NEK1: variants seen among roughly 807,000 people sequenced by gnomAD.
NEK1 encodes the protein NIMA related kinase 1.
In NEK1, 137 loss-of-function variants were observed where a neutral mutation model predicts 182.1. The ratio of observed to expected loss-of-function variants is 0.75; its 90% confidence interval spans 0.65 to 0.87. The LOEUF is 0.87. NEK1 is among the 40% of genes least tolerant of loss of function. NEK1 has a pLI of 0.00. For missense variants in NEK1, 1,391 were observed against 1,494.4 expected, an observed-to-expected ratio of 0.93 and a Z score of 1.14; for synonymous variants, 513 against 492.2, an observed-to-expected ratio of 1.04 and a Z score of -0.56.
rs376545742 is a variant in NEK1 at position 169,438,385 on chromosome 4, T to C, written c.2588-126A>G. On this transcript the variant is annotated intron_variant, in intron 27 of 35. Transcript: ENST00000507142. ...CAGGCAATTACTAGTTAAGCTCTGT[T>C]ACATATTAGAAGTTAATAAGTGACT... 7.8e-5 allele frequency: 51 copies of C among 655,940 alleles called. 1 individual carries two copies. The highest frequency in any genetic ancestry group is 3.3e-4 in the East Asian group (12 of 36,454). The allele number at this position is 655,940 out of a possible 1,614,324, so 40.6% of individuals were successfully genotyped here. A position where few individuals can be genotyped will look rare whatever the true frequency, so the allele number is the denominator to read the frequency against.
intron 2 of NEK1, among the ~76,000 whole-genome samples, chr4:169,605,504 G>T (rs1336111548): frequency 6.6e-6 from 1 of 152,128 alleles, no homozygotes; most frequent in East Asian, 1.9e-4. Context: ...ATTACTTTCA[G>T]CATCTTACAA....
rs749286793 is a variant in NEK1 at position 169,602,659 on chromosome 4, T to C, written c.-29A>G. 2.5e-6 allele frequency: 3 copies of C among 1,179,248 alleles called. No homozygotes were observed. The highest frequency in any genetic ancestry group is 2.5e-6 in the Non-Finnish European group (2 of 795,762). The allele number at this position is 1,179,248 out of a possible 1,614,324, so 73.0% of individuals were successfully genotyped here. A position where few individuals can be genotyped will look rare whatever the true frequency, so the allele number is the denominator to read the frequency against. ...TCTTTTTCTAAGGCATCTTTACAGA[T>C]ATGCTAGACATTTAAAAAACTAACA... On this transcript the variant is annotated 5_prime_UTR_variant, in exon 3 of 36. In the 5' UTR this introduces an upstream ATG that the reference lacks. Coordinates refer to ENST00000507142, the MANE Select transcript of NEK1 (RefSeq NM_001199397.3).
At chr4:169,501,448 T>A (rs1293816148) in intron 23 of NEK1, among the ~76,000 whole-genome samples, 1 of 152,222 alleles carries the variant, frequency 6.6e-6, no homozygotes, top group Non-Finnish European at 1.5e-5. Context: ...AGAATATACA[T>A]TCTTTTTATC....
At chr4:169,551,686 C>T (rs1761444390) in intron 18 of NEK1, among the ~76,000 whole-genome samples, 1 of 151,934 alleles carries the variant, frequency 6.6e-6, no homozygotes, top group South Asian at 2.1e-4. Context: ...CAGCAGTGAC[C>T]ACCACTATAG....
chr4:169,530,854 T>G (rs1201041508), intron 19 of NEK1, among the ~76,000 whole-genome samples: 1 of 150,550 alleles, frequency 6.6e-6, no homozygotes, highest in Non-Finnish European at 1.5e-5. Context: ...TATCACTATA[T>G]GATCATTTGA....
chr4:169,408,308 A>C (rs1732992117), intron 31 of NEK1, among the ~76,000 whole-genome samples: 1 of 152,154 alleles, frequency 6.6e-6, no homozygotes, highest in Non-Finnish European at 1.5e-5. Context: ...GGTTTATACC[A>C]ACCCACTAAT....
chr4:169,550,904 G>A (rs1761330223), intron 18 of NEK1, among the ~76,000 whole-genome samples: 1 of 152,180 alleles, frequency 6.6e-6, no homozygotes, highest in Non-Finnish European at 1.5e-5. Flanking sequence ...CTGAGCCTAT[G>A]CCCATGCCCA....
intron 35 of NEK1, among the ~76,000 whole-genome samples, chr4:169,396,044 T>C (rs1173985491): frequency 6.6e-6 from 1 of 152,080 alleles, no homozygotes. Flanking sequence ...AAAATGAATA[T>C]GAAGAGAAGG....
At chr4:169,588,399 G>C (rs1260819840) in intron 8 of NEK1, among the ~76,000 whole-genome samples, 1 of 152,028 alleles carries the variant, frequency 6.6e-6, no homozygotes, top group East Asian at 1.9e-4. Context: ...ATGAAGAAAA[G>C]ACCAAAGAAA....
chr4:169,600,549 G>A (rs1770309793), intron 4 of NEK1, among the ~76,000 whole-genome samples: 1 of 152,010 alleles, frequency 6.6e-6, no homozygotes, highest in South Asian at 2.1e-4. Flanking sequence ...GTCACTCGTG[G>A]TGCACATATC....
intron 20 of NEK1, 96 bp downstream of exon 20, chr4:169,508,673 C>CA (rs1261830916): frequency 4.2e-6 from 4 of 963,314 alleles, no homozygotes; most frequent in Non-Finnish European, 5.9e-6. Flanking sequence ...ACAAAATCTT[C>CA]AAATAATTGT....
chr4:169,509,044 C>A (rs1438549214), intron 19 of NEK1, among the ~76,000 whole-genome samples, 192 bp from the exon 20 acceptor site: 1 of 152,140 alleles, frequency 6.6e-6, no homozygotes. Context: ...CAGAAGGAAG[C>A]AATTAAGCCC....
chr4:169,513,652 G>A (rs1465665108), intron 19 of NEK1, among the ~76,000 whole-genome samples: 1 of 152,150 alleles, frequency 6.6e-6, no homozygotes, highest in African/African-American at 2.4e-5. Flanking sequence ...TAATTGTAGA[G>A]GGAAATCCTT....
intron 16 of NEK1, among the ~76,000 whole-genome samples, chr4:169,557,802 G>T (rs569566624): frequency 6.6e-6 from 1 of 152,156 alleles, no homozygotes; most frequent in Admixed American, 6.6e-5. Context: ...GCAGTGGCAT[G>T]TGTCTGTAGT....
At chr4:169,544,014 T>C (rs1243792382) in intron 18 of NEK1, among the ~76,000 whole-genome samples, 3 of 152,126 alleles carry the variant, frequency 2.0e-5, no homozygotes, top group African/African-American at 7.2e-5. Context: ...GAACTTCCAA[T>C]GATATGTTGA....
At chr4:169,572,599 T>C (rs1408524542) in intron 12 of NEK1, among the ~76,000 whole-genome samples, 4 of 152,104 alleles carry the variant, frequency 2.6e-5, no homozygotes, top group East Asian at 1.9e-4. Context: ...AAAAAGAAGA[T>C]ATCTGAGGCC....
At chr4:169,408,986 C>G (rs1257711334) in intron 31 of NEK1, among the ~76,000 whole-genome samples, 1 of 152,014 alleles carries the variant, frequency 6.6e-6, no homozygotes, top group African/African-American at 2.4e-5. Flanking sequence ...GGGTAGATAC[C>G]CAGTGGTGGG....
intron 18 of NEK1, among the ~76,000 whole-genome samples, chr4:169,538,738 T>C (rs1758896268): frequency 6.6e-6 from 1 of 152,012 alleles, no homozygotes; most frequent in Non-Finnish European, 1.5e-5. Context: ...TCTACTTGTA[T>C]TTTGGCTAGT....
chr4:169,491,720 T>C (rs1039667650), intron 23 of NEK1, among the ~76,000 whole-genome samples: 1 of 152,182 alleles, frequency 6.6e-6, no homozygotes, highest in African/African-American at 2.4e-5. Context: ...ATTCAGAATA[T>C]TCCATTACTG....
Sources: gnomAD v4.1 joint callset for allele counts (sites outside exome capture counted in the v4.1 genomes callset) on GRCh38, gnomAD v4.1.1 for gene constraint, MANE v1.5 for transcripts, NCBI Gene and HGNC (gene_info 2026-07-23, HGNC 2026-07-21) for gene names.